WDR46: variants seen among roughly 807,000 people sequenced by gnomAD.
WDR46 encodes WD repeat-containing protein 46.
In WDR46, 58 loss-of-function variants were observed where a neutral mutation model predicts 74.7. The observed-to-expected ratio is 0.78, with a 90% confidence interval of 0.63 to 0.97. WDR46 has a LOEUF of 0.97. Among genes scored for constraint, WDR46 ranks in the 50% least tolerant of loss-of-function variants. WDR46 has a pLI of 0.00. For missense variants in WDR46, 702 were observed against 790.1 expected, an observed-to-expected ratio of 0.89 and a Z score of 1.34; for synonymous variants, 278 against 297.3, an observed-to-expected ratio of 0.93 and a Z score of 0.67.
At chr6:33,279,721 G>T in intron 13 of WDR46, 43 bp downstream of exon 13, 1 of 1,612,666 alleles carries the variant, frequency 6.2e-7, no homozygotes, top group Non-Finnish European at 8.5e-7. Flanking sequence ...GAGAGGATGT[G>T]GGGGAGAAGA....
chr6:33,286,998 A>T, intron 9 of WDR46, 93 bp downstream of exon 9: 1 of 1,585,098 alleles, frequency 6.3e-7, no homozygotes, highest in Non-Finnish European at 8.6e-7. Flanking sequence ...AAAAAAGGGA[A>T]ATAAAAGGGT....
In WDR46 at chr6:33,279,544, C is replaced by T; in HGVS notation, c.1687G>A (p.Ala563Thr). ...KPKQKGRSST[A>T]SLVKRKRKVM... ...TTCCTCTTCCTCTTCACCAGGCTTG[C>T]CGTGGAGCTGCGGCCCTTCTGCTTT... Residue 563 changes from alanine (A) to threonine (T), a missense_variant, in exon 14 of 15, where the codon GCA (alanine) becomes ACA (threonine). Physicochemically the swap from Ala to Thr is moderately conservative, Grantham distance 58 (BLOSUM62 0). Coordinates refer to ENST00000374617, the MANE Select transcript of WDR46 (RefSeq NM_005452.6). 1 of 1,614,108 alleles carries T rather than the reference C, an allele frequency of 6.2e-7. No individual in the cohort carries two copies. The highest frequency in any genetic ancestry group is 8.5e-7 in the Non-Finnish European group (1 of 1,180,046).
chr6:33,288,058 C>T (rs1354601596), intron 5 of WDR46, 32 bp from the exon 6 acceptor site: 2 of 1,614,026 alleles, frequency 1.2e-6, no homozygotes, highest in South Asian at 1.1e-5. Flanking sequence ...AAAAAGAGTG[C>T]CCTGCAGTAA....
chr6:33,287,790 C>G (rs1402860109), intron 6 of WDR46, 72 bp from the exon 7 acceptor site: 1 of 1,567,154 alleles, frequency 6.4e-7, no homozygotes, highest in Non-Finnish European at 8.8e-7. Context: ...AGGTCTGCCC[C>G]ACGCCAGCCC....
At chr6:33,281,980 T>C (rs1766226411) in intron 10 of WDR46, among the ~76,000 whole-genome samples, 1 of 152,304 alleles carries the variant, frequency 6.6e-6, no homozygotes, top group South Asian at 2.1e-4. Context: ...ATTACAGGCA[T>C]GCGCCACCAC....
At chr6:33,287,895 T>C (rs922866256) in intron 6 of WDR46, 70 bp downstream of exon 6, 2 of 1,587,390 alleles carry the variant, frequency 1.3e-6, no homozygotes, top group Admixed American at 1.7e-5. Context: ...AACCCAAACA[T>C]ACACTGGGAA....
chr6:33,287,721 G>A lies in WDR46; in HGVS notation c.624-3C>T, dbSNP rs1413278452. 10 of 1,613,634 alleles carry A rather than the reference G, an allele frequency of 6.2e-6. No homozygotes were observed. The highest frequency in any genetic ancestry group is 7.6e-6 in the Non-Finnish European group (9 of 1,179,968). On this transcript the variant is annotated splice_region_variant and splice_polypyrimidine_tract_variant and intron_variant, in intron 6 of 14. Coordinates refer to ENST00000374617, the MANE Select transcript of WDR46 (RefSeq NM_005452.6). ...GGCGCCCTCCAAAAGCCAGGTGTCT[G>A]TTGGAGGTGAGGGGCAGGCAGGGTG... is the stretch of plus-strand genomic sequence containing the variant.
Position 33,288,427 on chromosome 6 carries a change from G to A in WDR46, c.404C>T (p.Ala135Val), listed in dbSNP as rs1317140332. 5 of 1,614,042 alleles carry A rather than the reference G, an allele frequency of 3.1e-6. No homozygotes were observed. The highest frequency in any genetic ancestry group is 4.2e-6 in the Non-Finnish European group (5 of 1,180,054). ...ACTTGTTTCCTCTTCCTCAGCTTCA[G>A]CCACCTCAAGTCGGCTTCGAGTTTT... ...KAKTRSRLEV[A>V]EAEEEETSIK... The change falls in exon 4 of 15, where the codon GCT (alanine) becomes GTT (valine). Residue 135 changes from alanine to valine, a missense_variant. By Grantham distance (64) the Ala-to-Val change is moderately conservative. Coordinates refer to ENST00000374617, the MANE Select transcript of WDR46 (RefSeq NM_005452.6).
chr6:33,284,736 A>G (rs1449415193), intron 10 of WDR46: 1 of 153,772 alleles, frequency 6.5e-6, no homozygotes, highest in East Asian at 1.9e-4. Flanking sequence ...TACATTTTTA[A>G]GTGGTTGAAA....
rs754942535 is a variant in WDR46 at position 33,288,631 on chromosome 6, T to C, written c.343A>G (p.Ile115Val). ...PVEVVQKFCRIDKSRKLPHSK... is the reference protein window; with the variant it reads ...PVEVVQKFCRVDKSRKLPHSK... ...GACCTCACCTTTCGGGATTTGTCAA[T>C]GCGACAGAACTTCTGGACCACTTCC... Residue 115 changes from isoleucine (I) to valine (V), a missense_variant, in exon 3 of 15, where the codon ATT becomes GTT. Transcript: ENST00000374617. The C allele has an allele frequency of 6.2e-7, 1 of 1,608,268 alleles. No homozygotes were observed. The highest frequency in any genetic ancestry group is 8.5e-7 in the Non-Finnish European group (1 of 1,178,248).
intron 12 of WDR46, 140 bp downstream of exon 12, chr6:33,280,288 A>G: frequency 1.3e-6 from 1 of 748,000 alleles, no homozygotes; most frequent in Admixed American, 2.5e-5. Context: ...CTTCTCCAGC[A>G]GTGGGGAACC....
In WDR46 at chr6:33,280,753, C is replaced by T; in HGVS notation, c.1350G>A (p.Val450=). ...PYLTHRLSGP[V]HGLQFCPFED... ...CAAAGGGGCAGAACTGAAGGCCATG[C>T]ACAGGGCCTGAGAGCCGGTGGGTGA... The change falls in exon 11 of 15, where the codon GTG becomes GTA. Residue 450 remains valine (V), a synonymous_variant. Coordinates refer to ENST00000374617, the MANE Select transcript of WDR46 (RefSeq NM_005452.6). The T allele has an allele frequency of 1.2e-6, 2 of 1,613,312 alleles. No homozygotes were observed. The highest frequency in any genetic ancestry group is 1.7e-6 in the Non-Finnish European group (2 of 1,179,514).
At chr6:33,280,311 G>T (rs1766036552) in intron 12 of WDR46, 117 bp downstream of exon 12, 6 of 1,063,958 alleles carry the variant, frequency 5.6e-6, no homozygotes, top group Non-Finnish European at 4.1e-6. Context: ...ACCTTCTCCA[G>T]CAGGGGGGAA....
chr6:33,282,372 G>A (rs187794736), intron 10 of WDR46, among the ~76,000 whole-genome samples: 147 of 152,232 alleles, frequency 9.7e-4, no homozygotes, highest in African/African-American at 3.4e-3. Flanking sequence ...AGGAATTACC[G>A]AGCGCTCGTG....
Position 33,286,898 on chromosome 6 carries a change from G to A in WDR46, c.1016-4C>T, listed in dbSNP as rs1255369655. The A allele has an allele frequency of 2.5e-6, 4 of 1,613,964 alleles. No individual in the cohort carries two copies. In the South Asian group the frequency reaches 3.3e-5, roughly 13 times the overall value. ...GGACTCCATAAAGACACAGTACCTG[G>A]AAGAGAAGAAGAACCAAAGTTGCTA... On this transcript the variant is annotated splice_polypyrimidine_tract_variant and splice_region_variant and intron_variant, in intron 9 of 14. Coordinates refer to ENST00000374617, the MANE Select transcript of WDR46 (RefSeq NM_005452.6).
At chr6:33,282,963 G>A (rs1408572166) in intron 10 of WDR46, among the ~76,000 whole-genome samples, 3 of 152,234 alleles carry the variant, frequency 2.0e-5, no homozygotes, top group African/African-American at 4.8e-5. Flanking sequence ...TATAATCCCA[G>A]CACTTTGGGA....
intron 9 of WDR46, 72 bp from the exon 10 acceptor site, chr6:33,286,966 G>A: frequency 3.1e-6 from 5 of 1,595,912 alleles, no homozygotes; most frequent in South Asian, 2.2e-5. Flanking sequence ...GGAAAGATGG[G>A]AACTCAAGAC....
chr6:33,281,242 C>T (rs1235323240), intron 10 of WDR46, among the ~76,000 whole-genome samples: 1 of 152,190 alleles, frequency 6.6e-6, no homozygotes, highest in Non-Finnish European at 1.5e-5. Context: ...TCAGGCCTGT[C>T]TCTTTAGCAT....
chr6:33,279,999 C>T lies in WDR46; in HGVS notation c.1525-140G>A, dbSNP rs1179119172. 1.1e-5 allele frequency: 8 copies of T among 746,192 alleles called. No individual in the cohort carries two copies. In the African/African-American group the frequency reaches 1.2e-4, roughly 12 times the overall value. 46.2% of individuals were successfully genotyped at this position (746,192 alleles called of 1,614,324 possible). ...TCAGGAGAGCTTTCTCTACCTCCAA[C>T]CCCAAACCACACCTTCCCCAGCAGC... On this transcript the variant is annotated intron_variant, in intron 12 of 14. Coordinates refer to ENST00000374617, the MANE Select transcript of WDR46 (RefSeq NM_005452.6).
Sources: allele counts gnomAD v4.1 joint callset (sites outside exome capture counted in the v4.1 genomes callset), GRCh38; gene constraint gnomAD v4.1.1; transcripts MANE v1.5; gene names NCBI Gene and HGNC (gene_info 2026-07-23, HGNC 2026-07-21).